Variants in FBXO34 observed in about 807,000 individuals in gnomAD.
FBXO34 encodes F-box protein 34.
FBXO34 carries 12 observed loss-of-function variants against 24.5 expected under a neutral mutation model. The ratio of observed to expected loss-of-function variants is 0.49; its 90% CI spans 0.31 to 0.79. FBXO34 has a LOEUF of 0.79. Ranked by LOEUF, FBXO34 falls within the 30% of genes least tolerant of loss-of-function variation. The pLI, the probability that FBXO34 is intolerant of heterozygous loss-of-function variation, is 0.04. For synonymous variants in FBXO34, 320 were observed against 311.9 expected (o/e 1.03, Z -0.27); for missense variants, 823 against 857.7 (o/e 0.96, Z 0.51).
downstream of FBXO34, among the ~76,000 whole-genome samples, chr14:55,373,023 GAT>G: frequency 6.6e-6 from 1 of 152,282 alleles, no homozygotes; most frequent in South Asian, 2.1e-4. Flanking sequence ...AGGCCCCTGC[GAT>G]GTTTCTCCAC....
chr14:55,433,636 G>A, the FBXO34 span: 2 of 1,613,594 alleles, frequency 1.2e-6, no homozygotes, highest in African/African-American at 1.3e-5. Context: ...ATACCTTTTG[G>A]CTCCCGTGCA....
At chr14:55,322,219 A>C (rs2140025019) in intron 1 of FBXO34, among the ~76,000 whole-genome samples, 2 of 151,530 alleles carry the variant, frequency 1.3e-5, no homozygotes, top group South Asian at 4.2e-4. Flanking sequence ...CTGAGGCAAG[A>C]GAATGGCGTG....
At chr14:55,303,591 C>G (rs1882437477) in intron 1 of FBXO34, among the ~76,000 whole-genome samples, 1 of 133,136 alleles carries the variant, frequency 7.5e-6, no homozygotes, top group Admixed American at 7.3e-5. Flanking sequence ...CTCTCCCATT[C>G]TTATCTTTTT....
chr14:55,414,082 GC>G, the FBXO34 span: 1 of 561,044 alleles, frequency 1.8e-6, no homozygotes, highest in Non-Finnish European at 3.4e-6. Flanking sequence ...CTGGAAGATG[GC>G]CCTTCCGGCT....
intron 1 of FBXO34, among the ~76,000 whole-genome samples, chr14:55,316,067 G>T (rs1882916677): frequency 6.6e-6 from 1 of 152,020 alleles, no homozygotes; most frequent in Non-Finnish European, 1.5e-5. Flanking sequence ...TACTGAGAAA[G>T]CATGCTTGTG....
chr14:55,377,178 C>T, the FBXO34 span, among the ~76,000 whole-genome samples: 1 of 152,244 alleles, frequency 6.6e-6, no homozygotes, highest in East Asian at 1.9e-4. Flanking sequence ...GAAACCCTGT[C>T]TCTACTAAAA....
intron 3 of FBXO34, among the ~76,000 whole-genome samples, chr14:55,359,116 A>C (rs1884558955): frequency 6.6e-6 from 1 of 152,104 alleles, no homozygotes; most frequent in African/African-American, 2.4e-5. Context: ...GAGGGAGTGG[A>C]CCTAGAGGGG....
At chr14:55,421,134 G>T in the FBXO34 span, among the ~76,000 whole-genome samples, 1 of 150,896 alleles carries the variant, frequency 6.6e-6, no homozygotes, top group Non-Finnish European at 1.5e-5. Flanking sequence ...GGCATTTAAA[G>T]AAATCTATAA....
the FBXO34 span, among the ~76,000 whole-genome samples, chr14:55,390,273 G>A: frequency 6.6e-6 from 1 of 151,994 alleles, no homozygotes; most frequent in African/African-American, 2.4e-5. Context: ...GTTTCACCAT[G>A]TTGGCCAGGC....
At chr14:55,298,601 G>A (rs575807166) in intron 1 of FBXO34, 452 of 1,029,936 alleles carry the variant, frequency 4.4e-4, no homozygotes, top group Non-Finnish European at 4.8e-4. Context: ...GGCGGGCGCC[G>A]GAGCCCAGCC....
intron 1 of FBXO34, among the ~76,000 whole-genome samples, chr14:55,329,244 G>C (rs984141119): frequency 1.4e-4 from 21 of 151,908 alleles, no homozygotes; most frequent in Admixed American, 1.4e-3. Flanking sequence ...TTGCAGGAAT[G>C]AATGTGTCGT....
chr14:55,362,768 A>G (rs1884609578), downstream of FBXO34, among the ~76,000 whole-genome samples: 1 of 151,960 alleles, frequency 6.6e-6, no homozygotes, highest in Non-Finnish European at 1.5e-5. Flanking sequence ...CTACCATCAA[A>G]CCACTTGGCA....
intron 1 of FBXO34, among the ~76,000 whole-genome samples, chr14:55,281,621 T>C (rs1881545517): frequency 6.6e-6 from 1 of 152,210 alleles, no homozygotes; most frequent in Non-Finnish European, 1.5e-5. Context: ...TGCTTTCTCC[T>C]TTCATTTCTC....
chr14:55,372,299 A>C (rs1884837383), downstream of FBXO34, among the ~76,000 whole-genome samples: 1 of 137,278 alleles, frequency 7.3e-6, no homozygotes, highest in South Asian at 2.4e-4. Flanking sequence ...CCACTTTCCC[A>C]TCTGCCTCCT....
intron 1 of FBXO34, among the ~76,000 whole-genome samples, chr14:55,281,749 C>T (rs983821058): frequency 6.6e-6 from 1 of 152,168 alleles, no homozygotes; most frequent in Admixed American, 6.5e-5. Context: ...AGTACTTAGC[C>T]ACTCAGCACG....
chr14:55,433,779 T>G, the FBXO34 span: 2 of 1,491,736 alleles, frequency 1.3e-6, no homozygotes, highest in Non-Finnish European at 9.2e-7. Context: ...TTATCCCAGT[T>G]GAAAAAGCCG....
At chr14:55,435,688 T>G in the FBXO34 span, among the ~76,000 whole-genome samples, 1 of 152,234 alleles carries the variant, frequency 6.6e-6, no homozygotes, top group Non-Finnish European at 1.5e-5. Flanking sequence ...GAGATTATTT[T>G]TTATAACTCA....
intron 1 of FBXO34, among the ~76,000 whole-genome samples, chr14:55,317,354 C>T (rs1454351652): frequency 6.6e-6 from 1 of 152,036 alleles, no homozygotes; most frequent in African/African-American, 2.4e-5. Flanking sequence ...GTCGTGCATG[C>T]CTGTGGTCCC....
intron 1 of FBXO34, among the ~76,000 whole-genome samples, chr14:55,341,110 A>G (rs1459104389): frequency 6.6e-6 from 1 of 152,132 alleles, no homozygotes; most frequent in Non-Finnish European, 1.5e-5. Context: ...AGCAAAGGAA[A>G]GAGGTTGGGC....
Sources: allele counts gnomAD v4.1 joint callset (sites outside exome capture counted in the v4.1 genomes callset), GRCh38; gene constraint gnomAD v4.1.1; transcripts MANE v1.5; gene names NCBI Gene and HGNC (gene_info 2026-07-23, HGNC 2026-07-21).